FAM53A: variants seen among roughly 807,000 people sequenced by gnomAD.
FAM53A encodes the protein family with sequence similarity 53 member A, also known as protein FAM53A.
In FAM53A, 28 loss-of-function variants were observed where a neutral mutation model predicts 26.6. That is an observed-to-expected ratio of 1.05 (90% confidence interval 0.78 to 1.45). The LOEUF (loss-of-function observed/expected upper bound fraction) is 1.45, where lower values mean the gene tolerates loss of function less well. FAM53A is among the 40% of genes most tolerant of loss of function. The pLI is 0.00. For missense variants in FAM53A, 650 were observed against 575.8 expected (o/e 1.13, Z -1.32); for synonymous variants, 290 against 253.1 (o/e 1.15, Z -1.38).
At chr4:1,615,494 C>T, downstream of FAM53A, among the ~76,000 whole-genome samples, 1 of 146,582 alleles carries the variant, frequency 6.8e-6, no homozygotes, top group East Asian at 2.1e-4. Context: ...GCCCACCTCA[C>T]CTGGGCACGC....
the FAM53A span, among the ~76,000 whole-genome samples, chr4:1,607,585 C>A: frequency 1.3e-5 from 2 of 152,068 alleles, no homozygotes; most frequent in Admixed American, 6.6e-5. Context: ...GCCGCCCCCC[C>A]ACCACTGATG....
exon 2 of FAM53A, chr4:1,618,061 G>A (rs1302747778): frequency 2.2e-6 from 1 of 456,250 alleles, no homozygotes; most frequent in African/African-American, 2.0e-5. Context: ...GAAGATGGAG[G>A]GCCGTGCTAT....
At chr4:1,618,915 C>G (rs1054137169) in intron 1 of FAM53A, among the ~76,000 whole-genome samples, 8 of 152,174 alleles carry the variant, frequency 5.3e-5, no homozygotes, top group Non-Finnish European at 1.2e-4. Context: ...TCTGCGGCAG[C>G]CACAAGCTCA....
chr4:1,641,439 T>G lies in FAM53A; in HGVS notation c.1051A>C (p.Asn351His). ...ACCGACTCCCTAGAGGCCCACAGGTTGGGGTGGACAGGGCTGGTCCTGAGG... is the reference window on the plus strand; with the variant it reads ...ACCGACTCCCTAGAGGCCCACAGGTGGGGGTGGACAGGGCTGGTCCTGAGG... ...RGLRTSPVHP[N>H]LWASRESVTS... The change falls in exon 5 of 5, where the codon AAC becomes CAC. Residue 351 changes from asparagine (N) to histidine (H), a missense_variant. Asn to His is a moderately conservative substitution (Grantham distance 68). Coordinates refer to ENST00000308132, the MANE Select transcript of FAM53A (RefSeq NM_001174070.3). 5.0e-6 allele frequency: 8 copies of G among 1,613,576 alleles called. No individual in the cohort carries two copies. Among genetic ancestry groups the G allele is most frequent in the Non-Finnish European group, 6.8e-6 (8 of 1,179,772 alleles).
chr4:1,623,019 C>T (rs1017679934), intron 1 of FAM53A, among the ~76,000 whole-genome samples: 1 of 152,240 alleles, frequency 6.6e-6, no homozygotes, highest in Admixed American at 6.5e-5. Flanking sequence ...GAAACGAAGG[C>T]ACAGGCGCTG....
At chr4:1,594,072 G>A in the FAM53A span, among the ~76,000 whole-genome samples, 1 of 151,394 alleles carries the variant, frequency 6.6e-6, no homozygotes, top group Non-Finnish European at 1.5e-5. Context: ...CTGCAGGGAG[G>A]GGCGCCGCGG....
At chr4:1,682,734 CTAGAAAGG>C (rs1271205246) in intron 1 of FAM53A, among the ~76,000 whole-genome samples, 14 of 150,834 alleles carry the variant, frequency 9.3e-5, no homozygotes, top group African/African-American at 3.5e-4. Context: ...ACCTCTATAA[CTAGAAAGG>C]CCTCACTATA....
chr4:1,661,448 C>G (rs1356546762), intron 2 of FAM53A, among the ~76,000 whole-genome samples: 1 of 152,224 alleles, frequency 6.6e-6, no homozygotes, highest in African/African-American at 2.4e-5. Flanking sequence ...ATATTGCTAA[C>G]CCAGCACAGC....
At chr4:1,684,080 TCCACGCGCCCAGCTCGGAGCGCAGGG>T (rs1715643410) in intron 1 of FAM53A, 127 bp downstream of exon 1, 1 of 151,930 alleles carries the variant, frequency 6.6e-6, no homozygotes, top group Non-Finnish European at 1.5e-5. Flanking sequence ...GGGGACGTAG[TCCACGCGCCCAGCTCGGAGCGCAGGG>T]CCCCGCGCCC....
At chr4:1,673,079 C>T (rs1164676775) in intron 1 of FAM53A, among the ~76,000 whole-genome samples, 2 of 152,162 alleles carry the variant, frequency 1.3e-5, no homozygotes, top group Non-Finnish European at 2.9e-5. Flanking sequence ...GGCCTGGAAC[C>T]TGATTATTTA....
At chr4:1,613,937 C>A (rs73795173), downstream of FAM53A, among the ~76,000 whole-genome samples, 4,198 of 152,336 alleles carry the variant, frequency 0.028, 212 homozygotes, top group African/African-American at 0.096. Flanking sequence ...GGGATCACAT[C>A]AGCAGGCTTC....
chr4:1,682,113 C>T (rs1025474046), intron 1 of FAM53A, among the ~76,000 whole-genome samples: 1 of 152,160 alleles, frequency 6.6e-6, no homozygotes, highest in African/African-American at 2.4e-5. Flanking sequence ...GATTAAACTA[C>T]ATAACACATG....
the FAM53A span, among the ~76,000 whole-genome samples, chr4:1,597,071 T>C: frequency 3.5e-4 from 53 of 152,190 alleles, no homozygotes; most frequent in African/African-American, 1.2e-3. Flanking sequence ...CTGGCATCTC[T>C]GGATCCAGTG....
chr4:1,629,702 C>CAG (rs1415033384), intron 1 of FAM53A, among the ~76,000 whole-genome samples: 1 of 152,224 alleles, frequency 6.6e-6, no homozygotes, highest in Non-Finnish European at 1.5e-5. Context: ...GGCCCAGACT[C>CAG]AGCCCCTTGG....
intron 4 of FAM53A, among the ~76,000 whole-genome samples, chr4:1,643,383 G>A (rs888945520): frequency 1.3e-5 from 2 of 151,794 alleles, no homozygotes; most frequent in Non-Finnish European, 2.9e-5. Flanking sequence ...GGAGAATGGC[G>A]TGAACCCGGG....
the FAM53A span, among the ~76,000 whole-genome samples, chr4:1,601,818 C>T: frequency 5.8e-5 from 6 of 102,782 alleles, 3 homozygotes; most frequent in Non-Finnish European, 1.4e-4. Flanking sequence ...CCAAAGTGCC[C>T]GATGGGGACT....
At chr4:1,634,332 C>G (rs535070427) in intron 1 of FAM53A, among the ~76,000 whole-genome samples, 2 of 152,092 alleles carry the variant, frequency 1.3e-5, no homozygotes, top group Non-Finnish European at 2.9e-5. Context: ...TCCCTGCCCC[C>G]ACAACCCCTC....
In FAM53A at chr4:1,654,197, C is replaced by T. The variant is rs113560059; in HGVS notation, c.882+781G>A. Among the ~76,000 whole-genome samples the T allele has an allele frequency of 3.0e-3, 458 of 152,338 alleles. 8 individuals carry two copies. The highest frequency in any genetic ancestry group is 3.4e-3 in the Middle Eastern group (1 of 294). On this transcript the variant is annotated intron_variant, in intron 4 of 4. Coordinates refer to ENST00000308132, the MANE Select transcript of FAM53A (RefSeq NM_001174070.3). ...TTTCTGCCACTGCCCAAAGCTTCCC[C>T]GACACAGATGACCCAGTGAGTGTGC... is the stretch of plus-strand genomic sequence containing the variant.
At chr4:1,643,678 C>T (rs961558523) in intron 4 of FAM53A, among the ~76,000 whole-genome samples, 2 of 151,516 alleles carry the variant, frequency 1.3e-5, no homozygotes, top group Non-Finnish European at 2.9e-5. Context: ...GCAATTCTCC[C>T]ACCTCAGCCT....
Sources: allele counts gnomAD v4.1 joint callset (sites outside exome capture counted in the v4.1 genomes callset), GRCh38; gene constraint gnomAD v4.1.1; transcripts MANE v1.5; gene names NCBI Gene and HGNC (gene_info 2026-07-23, HGNC 2026-07-21).